ABCA13: variants seen among roughly 807,000 people sequenced by gnomAD.
ABCA13 encodes the protein ATP-binding cassette sub-family A member 13.
ABCA13 carries 476 observed loss-of-function variants against 478.7 expected under a neutral mutation model. The ratio of observed to expected loss-of-function variants is 0.99; its 90% CI spans 0.92 to 1.07. The LOEUF is 1.07. Among genes scored for constraint, ABCA13 ranks in the 50% least tolerant of loss-of-function variants. The probability of loss-of-function intolerance (pLI) is 0.00; values close to 1 mark genes in which losing one functional copy is unlikely to be tolerated. For synonymous variants in ABCA13, 2,252 were observed against 2,158.9 expected, an observed-to-expected ratio of 1.04 and a Z score of -1.20; for missense variants, 6,060 against 5,910.6, an observed-to-expected ratio of 1.03 and a Z score of -0.83.
rs1237333642 is a variant in ABCA13, at chr7:48,281,388, A to C, written c.8772A>C (p.Ser2924=). ...TTTTCCAGCAGACTGTGAAGCCCTCAGAAGCCATGGAGATGCTGCAGAAAG... is the reference window on the plus strand; with the variant it reads ...TTTTCCAGCAGACTGTGAAGCCCTCCGAAGCCATGGAGATGCTGCAGAAAG... ...CEVFQQTVKP[S]EAMEMLQKVK... is the part of the protein sequence containing the mutation. The change falls in exon 19 of 62, where the codon TCA becomes TCC. Residue 2924 remains serine (S), a synonymous_variant. Coordinates refer to ENST00000435803, the MANE Select transcript of ABCA13 (RefSeq NM_152701.5). The C allele has an allele frequency of 8.1e-6, 13 of 1,609,936 alleles. No homozygotes were observed. Among genetic ancestry groups the C allele is most frequent in the Non-Finnish European group, 1.0e-5 (12 of 1,178,168 alleles).
intron 19 of ABCA13, among the ~76,000 whole-genome samples, chr7:48,283,646 C>G (rs932195383): frequency 6.6e-6 from 1 of 152,200 alleles, no homozygotes; most frequent in Non-Finnish European, 1.5e-5. Context: ...TTAATCTACA[C>G]AATCACTGAT....
chr7:48,630,500 T>G (rs1794077778), intron 59 of ABCA13, among the ~76,000 whole-genome samples: 1 of 152,216 alleles, frequency 6.6e-6, no homozygotes, highest in Admixed American at 6.5e-5. Flanking sequence ...TCTTGTTCTT[T>G]TTTACGACTG....
chr7:48,306,755 T>C (rs1800958113), intron 23 of ABCA13, among the ~76,000 whole-genome samples: 1 of 152,246 alleles, frequency 6.6e-6, no homozygotes, highest in Non-Finnish European at 1.5e-5. Flanking sequence ...TAGAGTATCA[T>C]AGCCATTGGT....
intron 15 of ABCA13, among the ~76,000 whole-genome samples, chr7:48,265,558 A>C (rs1008636318): frequency 2.0e-5 from 3 of 151,472 alleles, no homozygotes; most frequent in Non-Finnish European, 4.4e-5. Context: ...GATTCTTAAA[A>C]ATTTTGATCT....
In ABCA13 at chr7:48,310,038, C is replaced by T. The variant is rs1262307281; in HGVS notation, c.9413C>T (p.Ser3138Phe). 2.5e-6 allele frequency: 4 copies of T among 1,613,956 alleles called. No individual in the cohort carries two copies. The highest frequency in any genetic ancestry group is 1.3e-5 in the African/African-American group (1 of 75,058). ...CTGACATTTCCCAAAGGGGAAAAAT[C>T]TTGGATCGCAGCGGAGGAACTCTGT... The part of the protein sequence containing the change: ...LLLTFPKGEK[S>F]WIAAEELCSL... The change falls in exon 24 of 62, where the codon TCT (serine) becomes TTT (phenylalanine). Residue 3138 changes from serine (S) to phenylalanine (F), a missense_variant. Ser to Phe is a radical substitution (Grantham distance 155). Coordinates refer to ENST00000435803, the MANE Select transcript of ABCA13 (RefSeq NM_152701.5).
chr7:48,465,960 G>A (rs375119990), intron 43 of ABCA13, among the ~76,000 whole-genome samples: 7 of 152,030 alleles, frequency 4.6e-5, no homozygotes, highest in African/African-American at 1.4e-4. Flanking sequence ...AAGAATTGAG[G>A]TCACCAGGTA....
intron 2 of ABCA13, 31 bp downstream of exon 2, chr7:48,193,083 A>G: frequency 6.8e-7 from 1 of 1,469,314 alleles, no homozygotes. Flanking sequence ...TACTTTTTGA[A>G]TTAACCTTTG....
At chr7:48,579,237 A>C (rs963569035) in intron 55 of ABCA13, among the ~76,000 whole-genome samples, 1 of 152,242 alleles carries the variant, frequency 6.6e-6, no homozygotes, top group East Asian at 1.9e-4. Flanking sequence ...CCCATGTCTC[A>C]TAAAAGACTT....
At chr7:48,385,248 A>G (rs1207258737) in intron 35 of ABCA13, among the ~76,000 whole-genome samples, 12 of 152,054 alleles carry the variant, frequency 7.9e-5, no homozygotes, top group Admixed American at 7.9e-4. Context: ...CCACGTATTG[A>G]GCCTAGTACC....
intron 3 of ABCA13, among the ~76,000 whole-genome samples, chr7:48,207,017 A>G (rs917457596): frequency 1.3e-5 from 2 of 152,162 alleles, no homozygotes; most frequent in Admixed American, 6.5e-5. Flanking sequence ...CTCTGTCTCT[A>G]TGAGTTTAAT....
intron 58 of ABCA13, among the ~76,000 whole-genome samples, chr7:48,608,613 C>T (rs1412030705): frequency 6.6e-6 from 1 of 152,210 alleles, no homozygotes; most frequent in African/African-American, 2.4e-5. Flanking sequence ...GGGCATTACC[C>T]AATGGTCCAA....
intron 23 of ABCA13, among the ~76,000 whole-genome samples, chr7:48,309,372 G>A (rs956895356): frequency 6.6e-6 from 1 of 152,098 alleles, no homozygotes; most frequent in Non-Finnish European, 1.5e-5. Flanking sequence ...GTGTGTCAAA[G>A]CCTTTAATTG....
intron 42 of ABCA13, among the ~76,000 whole-genome samples, chr7:48,453,034 T>C (rs544164723): frequency 1.3e-5 from 2 of 152,302 alleles, no homozygotes; most frequent in East Asian, 3.9e-4. Context: ...GGTAGAGATA[T>C]AAAATTTAGT....
intron 48 of ABCA13, among the ~76,000 whole-genome samples, chr7:48,492,020 A>G (rs1319018581): frequency 6.6e-6 from 1 of 152,134 alleles, no homozygotes; most frequent in Non-Finnish European, 1.5e-5. Flanking sequence ...TCTCATGACA[A>G]TGGTTTTTGA....
intron 42 of ABCA13, among the ~76,000 whole-genome samples, chr7:48,450,973 T>TTTTTTTTTTTC (rs1824939720): frequency 6.7e-5 from 2 of 29,714 alleles, no homozygotes; most frequent in South Asian, 1.4e-3. Flanking sequence ...TATTATATTC[T>TTTTTTTTTTTC]TTTTTTTTTT....
intron 21 of ABCA13, 79 bp from the exon 22 acceptor site, chr7:48,297,153 T>C (rs1233905927): frequency 8.6e-7 from 1 of 1,166,176 alleles, no homozygotes; most frequent in Non-Finnish European, 1.2e-6. Flanking sequence ...TCTTGGGAGC[T>C]GAGGCAGTAT....
rs935233162 is a variant in ABCA13 at position 48,455,155 on chromosome 7, C to A, written c.12684C>A (p.Ala4228=). Residue 4228 remains alanine (A), a synonymous_variant, in exon 43 of 62, where the codon GCC becomes GCA. Coordinates refer to ENST00000435803, the MANE Select transcript of ABCA13 (RefSeq NM_152701.5). ...TGCGCGCCGGGAAGAGCACCCTCGC[C>A]GACCTGCTGCTGCCAGTCCTCTTCG... is the stretch of plus-strand genomic sequence containing the variant. ...RTLRAGKSTL[A]DLLLPVLFVA... 2.5e-6 allele frequency: 4 copies of A among 1,580,582 alleles called. No homozygotes were observed. Among genetic ancestry groups the A allele is most frequent in the African/African-American group, 1.4e-5 (1 of 74,046 alleles).
At chr7:48,473,391 G>T (rs1827726009) in intron 45 of ABCA13, among the ~76,000 whole-genome samples, 1 of 152,152 alleles carries the variant, frequency 6.6e-6, no homozygotes. Flanking sequence ...AGTGAAACTT[G>T]CTGACTACAC....
intron 55 of ABCA13, among the ~76,000 whole-genome samples, chr7:48,565,665 AAAG>A (rs1285944808): frequency 5.3e-5 from 8 of 152,184 alleles, no homozygotes; most frequent in Admixed American, 4.6e-4. Context: ...AAACAAAAAC[AAAG>A]AAGAAGGTAA....
Sources: gnomAD v4.1 joint callset for allele counts (sites outside exome capture counted in the v4.1 genomes callset) on GRCh38, gnomAD v4.1.1 for gene constraint, MANE v1.5 for transcripts, NCBI Gene and HGNC (gene_info 2026-07-23, HGNC 2026-07-21) for gene names.